Variants in PAPPA2 observed in about 807,000 individuals in gnomAD.
PAPPA2 encodes pappalysin-2.
In PAPPA2, 86 loss-of-function variants were observed where a neutral mutation model predicts 176.4. That is an observed-to-expected ratio of 0.49 (90% CI 0.41 to 0.58). PAPPA2 has a LOEUF of 0.58. Among genes scored for constraint, PAPPA2 ranks in the 20% least tolerant of loss-of-function variants. The pLI is 0.00. For missense variants in PAPPA2, 2,073 were observed against 2,256.9 expected (o/e 0.92, Z 1.65); for synonymous variants, 809 against 852.2 (o/e 0.95, Z 0.88).
rs1383613255 is a variant in PAPPA2, at chr1:176,692,270, C to A, written c.2576C>A (p.Ser859Tyr). 6.2e-7 allele frequency: 1 copy of A among 1,614,010 alleles called. No homozygotes were observed. Among genetic ancestry groups the A allele is most frequent in the South Asian group, 1.1e-5 (1 of 91,052 alleles). The change falls in exon 6 of 23, where the codon TCC becomes TAC. Residue 859 changes from serine (S) to tyrosine (Y), a missense_variant. By Grantham distance (144) the Ser-to-Tyr change is moderately radical (BLOSUM62 -2). This residue lies in a region of PAPPA2 where 1,196 missense variants were observed against 1,330.4 expected (regional missense o/e 0.90). Transcript: ENST00000367662. ...PPMVIGQTNK[S>Y]LTIHWLPPIS... is the part of the protein sequence containing the mutation. ...ATGGTCATCGGACAGACCAACAAGT[C>A]CCTCACTATCCACTGGCTGCCTCCT...
intron 1 of PAPPA2, among the ~76,000 whole-genome samples, chr1:176,464,436 G>A (rs1294821457): frequency 1.3e-5 from 2 of 152,068 alleles, no homozygotes; most frequent in East Asian, 1.9e-4. Flanking sequence ...AGTCACACAG[G>A]GCCCTACACT....
At chr1:176,524,822 G>T (rs930885731) in intron 1 of PAPPA2, among the ~76,000 whole-genome samples, 11 of 152,132 alleles carry the variant, frequency 7.2e-5, no homozygotes, top group African/African-American at 2.7e-4. Context: ...AGGAGATCGA[G>T]ACCATCCTGG....
chr1:176,473,601 C>T (rs1231587114), intron 1 of PAPPA2, among the ~76,000 whole-genome samples: 1 of 152,176 alleles, frequency 6.6e-6, no homozygotes, highest in African/African-American at 2.4e-5. Flanking sequence ...TTGTTAGAAA[C>T]TTCCAAAATG....
intron 1 of PAPPA2, among the ~76,000 whole-genome samples, chr1:176,507,172 C>T (rs1475703833): frequency 6.6e-6 from 1 of 151,708 alleles, no homozygotes; most frequent in African/African-American, 2.4e-5. Flanking sequence ...AAGTGGTCAA[C>T]AAATACATAA....
intron 2 of PAPPA2, among the ~76,000 whole-genome samples, chr1:176,581,922 CTT>C (rs538920194): frequency 7.8e-4 from 63 of 80,992 alleles, no homozygotes; most frequent in African/African-American, 2.0e-3. Flanking sequence ...TTCTTTCTTT[CTT>C]TTTTTTTTTT....
At chr1:176,495,461 A>G (rs1407540812) in intron 1 of PAPPA2, among the ~76,000 whole-genome samples, 1 of 150,216 alleles carries the variant, frequency 6.7e-6, no homozygotes, top group African/African-American at 2.5e-5. Context: ...AATCGCTTGA[A>G]CCCGGGAGGT....
intron 3 of PAPPA2, 122 bp downstream of exon 3, chr1:176,595,717 T>G (rs1211133205): frequency 1.4e-5 from 13 of 948,430 alleles, no homozygotes; most frequent in Non-Finnish European, 2.0e-5. Flanking sequence ...ATCCACCCCA[T>G]CAGACAGTAT....
At chr1:176,640,448 T>G (rs964215332) in intron 3 of PAPPA2, among the ~76,000 whole-genome samples, 8 of 150,692 alleles carry the variant, frequency 5.3e-5, no homozygotes, top group Non-Finnish European at 1.2e-4. Flanking sequence ...TGGTGTTTGG[T>G]TTTTCGTTCT....
chr1:176,605,504 G>A (rs1315205797), intron 3 of PAPPA2, among the ~76,000 whole-genome samples: 1 of 152,176 alleles, frequency 6.6e-6, no homozygotes, highest in African/African-American at 2.4e-5. Flanking sequence ...CAATCTGCTA[G>A]ATTACTCATA....
At chr1:176,826,740 G>A (rs1467018448) in intron 21 of PAPPA2, among the ~76,000 whole-genome samples, 1 of 152,218 alleles carries the variant, frequency 6.6e-6, no homozygotes, top group East Asian at 1.9e-4. Context: ...GGATATTACT[G>A]GGGATGATAA....
chr1:176,837,404 G>A (rs1419130892), intron 21 of PAPPA2, among the ~76,000 whole-genome samples: 4 of 150,866 alleles, frequency 2.7e-5, no homozygotes, highest in African/African-American at 4.9e-5. Context: ...TTAGCAAAGG[G>A]GAGAGTTTTC....
At position 176,556,973 on chromosome 1, in the gene PAPPA2, A is replaced by G. The variant is rs371947549; in HGVS notation, c.651A>G (p.Ser217=). The change falls in exon 2 of 23, where the codon TCA becomes TCG. Residue 217 remains serine (S), a synonymous_variant. Coordinates refer to ENST00000367662, the MANE Select transcript of PAPPA2 (RefSeq NM_020318.3). Reference sequence around the variant, plus strand: ...GGCAGGGAGACTCCGGTATCTCTTCACATTTCCAACCTTGGCCCAAGCATT... The same window carrying G: ...GGCAGGGAGACTCCGGTATCTCTTCGCATTTCCAACCTTGGCCCAAGCATT... ...EDGQGDSGIS[S]HFQPWPKHSL... is the part of the protein sequence containing the mutation. The G allele has an allele frequency of 6.2e-7, 1 of 1,614,072 alleles. No homozygotes were observed. Among genetic ancestry groups the G allele is most frequent in the Non-Finnish European group, 8.5e-7 (1 of 1,179,990 alleles).
At chr1:176,559,118 C>T (rs746066231) in intron 2 of PAPPA2, among the ~76,000 whole-genome samples, 1 of 152,218 alleles carries the variant, frequency 6.6e-6, no homozygotes, top group Non-Finnish European at 1.5e-5. Flanking sequence ...CCACCGCCTC[C>T]AACCCCTGCC....
chr1:176,505,440 G>C (rs1289758004), intron 1 of PAPPA2, among the ~76,000 whole-genome samples: 1 of 152,036 alleles, frequency 6.6e-6, no homozygotes, highest in African/African-American at 2.4e-5. Flanking sequence ...AGGCAGCACA[G>C]GACTGTGATT....
At chr1:176,603,921 C>T (rs868315230) in intron 3 of PAPPA2, among the ~76,000 whole-genome samples, 22 of 152,180 alleles carry the variant, frequency 1.4e-4, no homozygotes, top group African/African-American at 4.3e-4. Context: ...AGCTTACCAG[C>T]TTATTCAGAA....
intron 1 of PAPPA2, among the ~76,000 whole-genome samples, chr1:176,501,985 C>A (rs2102509818): frequency 6.6e-6 from 1 of 152,246 alleles, no homozygotes; most frequent in South Asian, 2.1e-4. Context: ...AGTGAAAAAA[C>A]AATGAACATA....
At chr1:176,812,855 T>C (rs1194530396) in intron 21 of PAPPA2, among the ~76,000 whole-genome samples, 2 of 152,044 alleles carry the variant, frequency 1.3e-5, no homozygotes, top group Non-Finnish European at 2.9e-5. Flanking sequence ...ACATGTGCCA[T>C]AGTGATTTGC....
In PAPPA2 at chr1:176,781,996, T is replaced by C. The variant is rs1201422086; in HGVS notation, c.4716-7813T>C. 2.0e-5 allele frequency among the ~76,000 whole-genome samples: 3 copies of C among 152,360 alleles called. No homozygotes were observed. In the East Asian group the frequency reaches 5.8e-4, roughly 29 times the overall value. ...CATGCAATTGCCTCTTTCCCTTACA[T>C]CTTCTTTTTAGGGATATTCTAAATG... is the stretch of plus-strand genomic sequence containing the variant. On this transcript the variant is annotated intron_variant, in intron 17 of 22. Transcript: ENST00000367662.
chr1:176,655,113 C>T (rs1427555418), intron 3 of PAPPA2, among the ~76,000 whole-genome samples: 1 of 151,698 alleles, frequency 6.6e-6, no homozygotes, highest in Non-Finnish European at 1.5e-5. Context: ...TATGTTTGAA[C>T]AGGAATGGTG....
Sources: gnomAD v4.1 joint callset for allele counts (sites outside exome capture counted in the v4.1 genomes callset) on GRCh38, gnomAD v4.1.1 for gene constraint, gnomAD v4.1.1 regional missense constraint, MANE v1.5 for transcripts, NCBI Gene and HGNC (gene_info 2026-07-23, HGNC 2026-07-21) for gene names.